Variants in LMO7 observed in about 807,000 individuals in gnomAD.
The protein encoded by LMO7 is LIM domain 7.
A neutral mutation model predicts 206.5 loss-of-function variants in LMO7; 120 were observed. That is an observed-to-expected ratio of 0.58 (90% CI 0.50 to 0.68). LMO7 has a LOEUF of 0.68. Ranked by LOEUF, LMO7 falls within the 30% of genes least tolerant of loss-of-function variation. The pLI is 0.00. For missense variants in LMO7, 1,959 were observed against 1,957.9 expected, an observed-to-expected ratio of 1.00 and a Z score of -0.01; for synonymous variants, 706 against 681.5, an observed-to-expected ratio of 1.04 and a Z score of -0.56.
In LMO7 at chr13:75,813,745, G is replaced by A. The variant is rs137940003; in HGVS notation, c.1947-3416G>A. On this transcript the variant is annotated intron_variant, in intron 11 of 30. Coordinates refer to ENST00000377534, the MANE Select transcript of LMO7 (RefSeq NM_001306080.2). The stretch of plus-strand genomic sequence containing the variant: ...TCTGTCTTGAGAAGCACATTTCATG[G>A]GAAGACACCTTAGCATTGCATGGTG... 2.3e-3 allele frequency among the ~76,000 whole-genome samples: 351 copies of A among 152,308 alleles called. 2 individuals are homozygous for A. The highest frequency in any genetic ancestry group is 8.0e-3 in the African/African-American group (331 of 41,554).
intron 1 of LMO7, among the ~76,000 whole-genome samples, chr13:75,696,770 A>G (rs2041932840): frequency 6.6e-6 from 1 of 152,098 alleles, no homozygotes; most frequent in Admixed American, 6.5e-5. Flanking sequence ...TCTTGAGGAT[A>G]CAAACAAAAA....
At chr13:75,847,565 A>G (rs1283945086) in intron 26 of LMO7, among the ~76,000 whole-genome samples, 1 of 152,192 alleles carries the variant, frequency 6.6e-6, no homozygotes, top group Non-Finnish European at 1.5e-5. Context: ...AGCCAGAGAT[A>G]TGTGCGTTTA....
At chr13:75,849,532 A>C (rs761941935) in intron 27 of LMO7, among the ~76,000 whole-genome samples, 2 of 150,618 alleles carry the variant, frequency 1.3e-5, no homozygotes, top group Non-Finnish European at 2.9e-5. Flanking sequence ...ACTTTGACTC[A>C]AGCAGGCAAG....
At chr13:75,728,752 G>GT (rs1276793270) in intron 3 of LMO7, among the ~76,000 whole-genome samples, 1 of 134,512 alleles carries the variant, frequency 7.4e-6, no homozygotes, top group African/African-American at 3.1e-5. Context: ...GGTTTTTATG[G>GT]TTTTAGGTCT....
At chr13:75,836,953 T>TC (rs2139063732) in intron 19 of LMO7, among the ~76,000 whole-genome samples, 1 of 152,322 alleles carries the variant, frequency 6.6e-6, no homozygotes, top group African/African-American at 2.4e-5. Flanking sequence ...TGGAGTTATC[T>TC]CCATCTTTCT....
intron 8 of LMO7, 199 bp from the exon 9 acceptor site, chr13:75,805,280 G>A (rs2055293714): frequency 3.8e-5 from 36 of 951,480 alleles, no homozygotes; most frequent in Non-Finnish European, 4.9e-5. Context: ...TCTTTGGCCC[G>A]TGTGTATCTA....
chr13:75,802,462 G>A (rs1324221610), intron 7 of LMO7, among the ~76,000 whole-genome samples: 2 of 152,190 alleles, frequency 1.3e-5, no homozygotes, highest in African/African-American at 4.8e-5. Flanking sequence ...CCTACTCCAT[G>A]TAATGACAGA....
chr13:75,797,101 G>C (rs2044324780), intron 6 of LMO7, among the ~76,000 whole-genome samples: 1 of 152,180 alleles, frequency 6.6e-6, no homozygotes, highest in South Asian at 2.1e-4. Flanking sequence ...CTGTAGTAGA[G>C]AGGTGCTTCC....
In LMO7 at chr13:75,733,581, A is replaced by C. The variant is rs1033146765; in HGVS notation, c.210+6483A>C. On this transcript the variant is annotated intron_variant, in intron 3 of 30. Transcript: ENST00000377534. ...ACTCCCTGACCCCTTGCGCTTCCCG[A>C]GTGAGGCAATGCCTCGCCCTGCTTT... Among the ~76,000 whole-genome samples, 3 of 152,146 alleles carry C rather than the reference A, an allele frequency of 2.0e-5. No individual in the cohort carries two copies. In the South Asian group the frequency reaches 6.2e-4, roughly 31 times the overall value.
chr13:75,629,013 G>A (rs1016495288), intron 2 of LMO7, among the ~76,000 whole-genome samples: 41 of 152,308 alleles, frequency 2.7e-4, no homozygotes, highest in African/African-American at 8.4e-4. Flanking sequence ...GACGTCTGGC[G>A]GTGTCTGGAA....
intron 11 of LMO7, among the ~76,000 whole-genome samples, chr13:75,810,825 A>G (rs757923425): frequency 3.9e-5 from 6 of 152,242 alleles, no homozygotes; most frequent in African/African-American, 1.4e-4. Context: ...GGTAAATTAT[A>G]TGACTGAGTT....
Position 75,821,456 on chromosome 13 carries a change from T to C in LMO7, c.2487T>C (p.Arg829=). ...EQSPASLSSL[R]SRSTQMESTR... ...GCCCAGCCTCTTTGTCTTCTCTGCG[T>C]TCACGGAGCACACAAATGGAATCAA... Residue 829 remains arginine (R), a synonymous_variant, in exon 14 of 31, where the codon CGT becomes CGC. Coordinates refer to ENST00000377534, the MANE Select transcript of LMO7 (RefSeq NM_001306080.2). 1.2e-6 allele frequency: 2 copies of C among 1,614,194 alleles called. No homozygotes were observed. Among genetic ancestry groups the C allele is most frequent in the South Asian group, 1.1e-5 (1 of 91,082 alleles).
At chr13:75,737,792 A>AC (rs1594654593) in intron 3 of LMO7, among the ~76,000 whole-genome samples, 4 of 125,850 alleles carry the variant, frequency 3.2e-5, no homozygotes, top group East Asian at 2.3e-4. Flanking sequence ...TAAAAAAAAA[A>AC]AAAAAAAAAC....
At chr13:75,702,392 C>T (rs1269325444) in intron 1 of LMO7, among the ~76,000 whole-genome samples, 3 of 152,144 alleles carry the variant, frequency 2.0e-5, no homozygotes, top group Admixed American at 6.6e-5. Context: ...CTTTTGACCA[C>T]TGTGAGACTT....
intron 3 of LMO7, among the ~76,000 whole-genome samples, chr13:75,733,991 CATTACCCT>C (rs1413626275): frequency 2.6e-5 from 4 of 152,350 alleles, no homozygotes; most frequent in Middle Eastern, 3.4e-3. Context: ...GATGCTTGTG[CATTACCCT>C]CAGCCAGCAC....
chr13:75,690,355 C>T (rs887258417), intron 1 of LMO7, among the ~76,000 whole-genome samples: 1 of 152,122 alleles, frequency 6.6e-6, no homozygotes, highest in South Asian at 2.1e-4. Flanking sequence ...CTACACTAGG[C>T]TTTCCGGGAG....
chr13:75,855,050 C>A, intron 28 of LMO7: 1 of 488,168 alleles, frequency 2.0e-6, no homozygotes, highest in Non-Finnish European at 3.7e-6. Context: ...GAATAGGTGT[C>A]AAGGGTCTCA....
chr13:75,822,762 C>CTATA (rs66789925), intron 14 of LMO7, among the ~76,000 whole-genome samples: 5,256 of 108,148 alleles, frequency 0.049, 175 homozygotes, highest in African/African-American at 0.07. Context: ...TTTTTAGAAA[C>CTATA]TATATATATA....
Position 75,737,795 on chromosome 13 carries a change from A to AAAAC in LMO7, c.210+10700_210+10701insCAAA, listed in dbSNP as rs1555305808. 2.6e-3 allele frequency among the ~76,000 whole-genome samples: 336 copies of AAAAC among 127,070 alleles called. 4 individuals carry two copies. The highest frequency in any genetic ancestry group is 4.7e-3 in the Non-Finnish European group (273 of 58,410). The allele number at this position is 127,070 out of a possible 152,430, so 83.4% of individuals were successfully genotyped here. ...AATAAAATAAAATAAAAAAAAAAAA[A>AAAAC]AAAAAACTTTTTACTTTGAAATAAA... On this transcript the variant is annotated intron_variant, in intron 3 of 30. Transcript: ENST00000377534.
Sources: gnomAD v4.1 joint callset for allele counts (sites outside exome capture counted in the v4.1 genomes callset) on GRCh38, gnomAD v4.1.1 for gene constraint, MANE v1.5 for transcripts, NCBI Gene and HGNC (gene_info 2026-07-23, HGNC 2026-07-21) for gene names.